Variants in FAR2 observed in about 807,000 individuals in gnomAD.
The protein encoded by FAR2 is fatty acyl-CoA reductase 2, also known as epididymis secretory protein Li 81.
In FAR2, 19 loss-of-function variants were observed where a neutral mutation model predicts 56.0. The ratio of observed to expected loss-of-function variants is 0.34; its 90% CI spans 0.24 to 0.50. The LOEUF (loss-of-function observed/expected upper bound fraction) is 0.50, where lower values mean the gene tolerates loss of function less well. Among genes scored for constraint, FAR2 ranks in the 20% least tolerant of loss-of-function variants. The pLI, the probability that FAR2 is intolerant of heterozygous loss-of-function variation, is 0.98. For missense variants in FAR2, 508 were observed against 642.2 expected, an observed-to-expected ratio of 0.79 and a Z score of 2.26; for synonymous variants, 219 against 218.8, an observed-to-expected ratio of 1.00 and a Z score of -0.01.
At chr12:29,204,852 C>T (rs1947461285) in intron 1 of FAR2, among the ~76,000 whole-genome samples, 1 of 152,156 alleles carries the variant, frequency 6.6e-6, no homozygotes, top group South Asian at 2.1e-4. Context: ...ATCACGGGAA[C>T]AGCACCAAGG....
chr12:29,210,270 A>T (rs1947528979), intron 1 of FAR2, among the ~76,000 whole-genome samples: 1 of 152,196 alleles, frequency 6.6e-6, no homozygotes, highest in Non-Finnish European at 1.5e-5. Flanking sequence ...GAAAAAAAGC[A>T]ATTATTATCA....
intron 2 of FAR2, among the ~76,000 whole-genome samples, chr12:29,284,348 C>T (rs1356557893): frequency 5.3e-5 from 8 of 152,094 alleles, no homozygotes; most frequent in East Asian, 1.9e-4. Context: ...ATTCCTCATC[C>T]GAGAAGACCA....
In FAR2 at chr12:29,321,933, A is replaced by G. The variant is rs1555125151; in HGVS notation, c.1257+9A>G. On this transcript the variant is annotated intron_variant, in intron 10 of 11. Coordinates refer to ENST00000536681, the MANE Select transcript of FAR2 (RefSeq NM_001271783.2). ...GTCCTGAAGACCAGAGAGTAAGTAG[A>G]GCACTGACTTAAGCACCAGGAAAAT... is the stretch of plus-strand genomic sequence containing the variant. 4 of 1,607,462 alleles carry G rather than the reference A, an allele frequency of 2.5e-6. No homozygotes were observed. The highest frequency in any genetic ancestry group is 2.5e-6 in the Non-Finnish European group (3 of 1,177,104).
chr12:29,321,884 C>T lies in FAR2; in HGVS notation c.1217C>T (p.Thr406Ile), dbSNP rs768108909. Reference sequence around the variant, plus strand: ...AGTTGGGAATGGAGCACGTACAATACAGAAATGCTGATGTCTGAGCTGAGT... The same window carrying T: ...AGTTGGGAATGGAGCACGTACAATATAGAAATGCTGATGTCTGAGCTGAGT... ...NRSWEWSTYNTEMLMSELSPE... is the reference protein window; with the variant it reads ...NRSWEWSTYNIEMLMSELSPE... The change falls in exon 10 of 12, where the codon ACA becomes ATA. Residue 406 changes from threonine to isoleucine, a missense_variant. Coordinates refer to ENST00000536681, the MANE Select transcript of FAR2 (RefSeq NM_001271783.2). The T allele has an allele frequency of 1.2e-6, 2 of 1,613,666 alleles. No individual in the cohort carries two copies. Among genetic ancestry groups the T allele is most frequent in the East Asian group, 2.2e-5 (1 of 44,836 alleles).
intron 1 of FAR2, among the ~76,000 whole-genome samples, chr12:29,233,697 T>C (rs1947894238): frequency 6.6e-6 from 1 of 152,194 alleles, no homozygotes; most frequent in Admixed American, 6.5e-5. Flanking sequence ...TATTCTTCAT[T>C]ATTAATTTTG....
At chr12:29,326,535 A>T (rs1467931984) in intron 10 of FAR2, among the ~76,000 whole-genome samples, 2 of 152,236 alleles carry the variant, frequency 1.3e-5, no homozygotes, top group African/African-American at 4.8e-5. Flanking sequence ...CCAGCAACAC[A>T]TCAAAAAGCT....
intron 8 of FAR2, among the ~76,000 whole-genome samples, chr12:29,315,940 A>G (rs750098951): frequency 4.6e-5 from 7 of 152,018 alleles, no homozygotes; most frequent in Non-Finnish European, 1.0e-4. Context: ...TGAGATCAGA[A>G]TCTCTTACGC....
intron 1 of FAR2, among the ~76,000 whole-genome samples, chr12:29,191,465 C>T (rs187299970): frequency 5.9e-4 from 90 of 152,354 alleles, no homozygotes; most frequent in African/African-American, 2.1e-3. Context: ...ACCATTGAGA[C>T]AGTAAGGCCG....
intron 1 of FAR2, among the ~76,000 whole-genome samples, chr12:29,153,089 G>C (rs1949694070): frequency 6.6e-6 from 1 of 152,224 alleles, no homozygotes; most frequent in Non-Finnish European, 1.5e-5. Context: ...TCTGTGACCA[G>C]ACACTGTGCC....
chr12:29,305,328 G>A (rs1164089873), intron 4 of FAR2, among the ~76,000 whole-genome samples: 3 of 151,826 alleles, frequency 2.0e-5, no homozygotes, highest in African/African-American at 7.3e-5. Context: ...TGTAGAGGCA[G>A]GGTGTTATTA....
Position 29,307,806 on chromosome 12 carries a change from G to A in FAR2, c.694G>A (p.Val232Met). 6.2e-7 allele frequency: 1 copy of A among 1,611,508 alleles called. No homozygotes were observed. Among genetic ancestry groups the A allele is most frequent in the Non-Finnish European group, 8.5e-7 (1 of 1,179,622 alleles). Residue 232 changes from valine (V) to methionine (M), a missense_variant, in exon 5 of 12, where the codon GTG becomes ATG. Physicochemically the swap from Val to Met is conservative, Grantham distance 21. Coordinates refer to ENST00000536681, the MANE Select transcript of FAR2 (RefSeq NM_001271783.2). Reference protein sequence around the residue: ...LNIAIIRPSIVGATWQEPFPG... With the variant: ...LNIAIIRPSIMGATWQEPFPG... ...CATTGCCATCATAAGGCCCTCCATT[G>A]TGGGAGCAACTTGGCAGGAGCCTTT...
At chr12:29,164,409 G>A (rs892010227) in intron 1 of FAR2, among the ~76,000 whole-genome samples, 1 of 152,134 alleles carries the variant, frequency 6.6e-6, no homozygotes, top group Non-Finnish European at 1.5e-5. Flanking sequence ...CAAAGTTCTC[G>A]GATGAGCTAG....
At chr12:29,303,626 G>T (rs1949211557) in intron 4 of FAR2, among the ~76,000 whole-genome samples, 1 of 152,128 alleles carries the variant, frequency 6.6e-6, no homozygotes, top group Admixed American at 6.5e-5. Context: ...CAGTCCTCTG[G>T]GAGATATGAA....
intron 1 of FAR2, among the ~76,000 whole-genome samples, chr12:29,197,258 A>C (rs1950151459): frequency 6.6e-6 from 1 of 152,196 alleles, no homozygotes; most frequent in African/African-American, 2.4e-5. Context: ...GGCTATGTTC[A>C]TTTAGAGTTT....
rs373796029 is a variant in FAR2, at chr12:29,311,151, G to A, written c.887+5G>A. On this transcript the variant is annotated splice_donor_5th_base_variant and intron_variant, in intron 7 of 11. Transcript: ENST00000536681. ...ATGGTATACTGCAGTTCACAGGTGT[G>A]GATGCTCAAGTGGGCTTTCAAAGAC... 1.9e-6 allele frequency: 3 copies of A among 1,600,532 alleles called. No individual in the cohort carries two copies. The highest frequency in any genetic ancestry group is 2.6e-6 in the Non-Finnish European group (3 of 1,168,106).
intron 2 of FAR2, among the ~76,000 whole-genome samples, chr12:29,276,097 T>C (rs960265410): frequency 2.0e-5 from 3 of 152,172 alleles, no homozygotes; most frequent in Non-Finnish European, 4.4e-5. Flanking sequence ...TGTGTGATAG[T>C]GGACTAGATA....
intron 2 of FAR2, chr12:29,291,319 T>C: frequency 4.4e-6 from 2 of 449,652 alleles, no homozygotes; most frequent in South Asian, 3.1e-5. Context: ...AGAAATACAA[T>C]TTCCTAGGTT....
At chr12:29,236,202 A>G (rs1181039882) in intron 1 of FAR2, among the ~76,000 whole-genome samples, 3 of 152,186 alleles carry the variant, frequency 2.0e-5, no homozygotes, top group East Asian at 1.9e-4. Flanking sequence ...AAACAAAATA[A>G]TAGGAAATCT....
At chr12:29,256,624 C>G (rs1001850764) in intron 1 of FAR2, among the ~76,000 whole-genome samples, 7 of 152,250 alleles carry the variant, frequency 4.6e-5, no homozygotes, top group African/African-American at 1.7e-4. Context: ...ACTCCCTCAC[C>G]TTGCAGGGAG....
Sources: gnomAD v4.1 joint callset for allele counts (sites outside exome capture counted in the v4.1 genomes callset) on GRCh38, gnomAD v4.1.1 for gene constraint, MANE v1.5 for transcripts, NCBI Gene and HGNC (gene_info 2026-07-23, HGNC 2026-07-21) for gene names.